Variants in THSD4 observed in about 807,000 individuals in gnomAD.
The protein encoded by THSD4 is thrombospondin type 1 domain containing 4.
A neutral mutation model predicts 119.0 loss-of-function variants in THSD4; 69 were observed. That is an observed-to-expected ratio of 0.58 (90% confidence interval 0.48 to 0.71). The LOEUF is 0.71. THSD4 is among the 30% of genes least tolerant of loss of function. The pLI is 0.00. For missense variants in THSD4, 1,393 were observed against 1,391.1 expected (o/e 1.00, Z -0.02); for synonymous variants, 524 against 540.4 (o/e 0.97, Z 0.42).
At chr15:71,234,413 T>C (rs1329409537) in intron 4 of THSD4, among the ~76,000 whole-genome samples, 1 of 152,198 alleles carries the variant, frequency 6.6e-6, no homozygotes, top group African/African-American at 2.4e-5. Flanking sequence ...CAAGCAATTC[T>C]TGTGCCTCAG....
At chr15:71,352,351 C>T (rs576315299) in intron 6 of THSD4, among the ~76,000 whole-genome samples, 11 of 152,326 alleles carry the variant, frequency 7.2e-5, no homozygotes, top group Middle Eastern at 3.4e-3. Flanking sequence ...ATCCAAAGCC[C>T]TGACGGTTGC....
chr15:71,738,640 G>A (rs1413153753), intron 11 of THSD4, among the ~76,000 whole-genome samples: 1 of 152,180 alleles, frequency 6.6e-6, no homozygotes, highest in African/African-American at 2.4e-5. Flanking sequence ...AGTCACACAG[G>A]GATGCACTTA....
chr15:71,707,699 G>A (rs2141084450), intron 8 of THSD4, among the ~76,000 whole-genome samples: 1 of 152,296 alleles, frequency 6.6e-6, no homozygotes, highest in East Asian at 1.9e-4. Context: ...CTGGCCTGGG[G>A]TTGAATAGGT....
intron 8 of THSD4, among the ~76,000 whole-genome samples, chr15:71,727,832 T>C (rs184654675): frequency 8.1e-5 from 12 of 148,558 alleles, no homozygotes; most frequent in African/African-American, 4.9e-5. Context: ...ACAATGCAAG[T>C]ATGATAAATG....
At chr15:71,117,179 C>T (rs1455174107) in intron 1 of THSD4, among the ~76,000 whole-genome samples, 1 of 152,158 alleles carries the variant, frequency 6.6e-6, no homozygotes, top group African/African-American at 2.4e-5. Flanking sequence ...CTCATGTGAT[C>T]TCCTCTGTGC....
intron 8 of THSD4, among the ~76,000 whole-genome samples, chr15:71,702,476 G>A (rs1339392062): frequency 6.6e-6 from 1 of 152,116 alleles, no homozygotes; most frequent in African/African-American, 2.4e-5. Context: ...TTAGATTTAA[G>A]ACCCTGAATT....
chr15:71,338,092 T>C (rs567431639), intron 6 of THSD4, among the ~76,000 whole-genome samples: 1 of 152,326 alleles, frequency 6.6e-6, no homozygotes, highest in Admixed American at 6.5e-5. Context: ...CAAAATCTTA[T>C]CTGCTTATTT....
At chr15:71,323,118 A>AT (rs1199465937) in intron 6 of THSD4, among the ~76,000 whole-genome samples, 1 of 151,300 alleles carries the variant, frequency 6.6e-6, no homozygotes, top group Non-Finnish European at 1.5e-5. Flanking sequence ...AAAAAAAAAA[A>AT]AGATCGTAGT....
chr15:71,774,337 G>T (rs2053877123), intron 17 of THSD4, among the ~76,000 whole-genome samples: 1 of 150,828 alleles, frequency 6.6e-6, no homozygotes, highest in African/African-American at 2.4e-5. Context: ...ACTACAAGAG[G>T]CTGAAGAAAT....
intron 7 of THSD4, among the ~76,000 whole-genome samples, chr15:71,573,819 A>G (rs2049401492): frequency 6.6e-6 from 1 of 152,224 alleles, no homozygotes; most frequent in Admixed American, 6.5e-5. Flanking sequence ...TTGTGACTTC[A>G]TTTAGTAACT....
rs753130068 is a variant in THSD4, at chr15:71,780,778, A to T, written c.*3404A>T. On this transcript the variant is annotated 3_prime_UTR_variant, in exon 18 of 18. Transcript: ENST00000261862. ...GGGTTTTTTCTTTATTTTCTTATGTACTCATCTACTTATTCTCAAAGTATT... is the reference window on the plus strand; with the variant it reads ...GGGTTTTTTCTTTATTTTCTTATGTTCTCATCTACTTATTCTCAAAGTATT... 2.2e-6 allele frequency: 1 copy of T among 455,632 alleles called. No homozygotes were observed. Among genetic ancestry groups the T allele is most frequent in the Non-Finnish European group, 4.4e-6 (1 of 226,690 alleles). The allele number at this position is 455,632 out of a possible 1,614,324, so 28.2% of individuals were successfully genotyped here.
intron 3 of THSD4, among the ~76,000 whole-genome samples, chr15:71,169,274 C>CA (rs1420500556): frequency 6.6e-6 from 1 of 152,162 alleles, no homozygotes; most frequent in Non-Finnish European, 1.5e-5. Flanking sequence ...AAATAAAAAA[C>CA]ACTACCAGTG....
At chr15:71,108,825 A>C (rs1269103193) in intron 1 of THSD4, among the ~76,000 whole-genome samples, 1 of 152,156 alleles carries the variant, frequency 6.6e-6, no homozygotes, top group Non-Finnish European at 1.5e-5. Context: ...CCCCATCTCT[A>C]CTAAAAAAAT....
At chr15:71,568,104 C>G (rs2049276640) in intron 7 of THSD4, among the ~76,000 whole-genome samples, 1 of 152,024 alleles carries the variant, frequency 6.6e-6, no homozygotes, top group African/African-American at 2.4e-5. Flanking sequence ...CAAAAAGATA[C>G]AAACTTGGGA....
At chr15:71,459,199 C>G (rs1203069605) in intron 7 of THSD4, among the ~76,000 whole-genome samples, 1 of 136,984 alleles carries the variant, frequency 7.3e-6, no homozygotes, top group East Asian at 2.1e-4. Flanking sequence ...CCCTCTGTTG[C>G]TCAGGCTGGA....
chr15:71,416,152 C>G (rs543142719), intron 7 of THSD4, among the ~76,000 whole-genome samples: 1 of 152,262 alleles, frequency 6.6e-6, no homozygotes, highest in East Asian at 1.9e-4. Context: ...ACCTCCAGTT[C>G]CATCTATGCT....
intron 7 of THSD4, among the ~76,000 whole-genome samples, chr15:71,563,336 G>GTA (rs998872757): frequency 3.3e-5 from 5 of 152,136 alleles, no homozygotes; most frequent in Non-Finnish European, 5.9e-5. Context: ...GACTCTGTTA[G>GTA]TACCCTGAAG....
At chr15:71,682,065 A>AC (rs892445854) in intron 8 of THSD4, among the ~76,000 whole-genome samples, 5 of 151,750 alleles carry the variant, frequency 3.3e-5, no homozygotes, top group African/African-American at 7.3e-5. Context: ...GTGAAATCCG[A>AC]CCCCCCCTGG....
At chr15:71,121,646 G>T (rs1435851088) in intron 1 of THSD4, among the ~76,000 whole-genome samples, 1 of 152,134 alleles carries the variant, frequency 6.6e-6, no homozygotes, top group Non-Finnish European at 1.5e-5. Flanking sequence ...ACTACTTGTG[G>T]GCTGGGCTGT....
Sources: gnomAD v4.1 joint callset for allele counts (sites outside exome capture counted in the v4.1 genomes callset) on GRCh38, gnomAD v4.1.1 for gene constraint, MANE v1.5 for transcripts, NCBI Gene and HGNC (gene_info 2026-07-23, HGNC 2026-07-21) for gene names.